PAFAH1B1: variants seen among roughly 807,000 people sequenced by gnomAD.
PAFAH1B1 encodes platelet-activating factor acetylhydrolase IB subunit beta.
PAFAH1B1 carries 2 observed loss-of-function variants against 57.5 expected under a neutral mutation model. That is an observed-to-expected ratio of 0.03 (90% CI 0.01 to 0.11). The LOEUF (loss-of-function observed/expected upper bound fraction) is 0.11. Ranked by LOEUF, PAFAH1B1 falls within the 10% of genes least tolerant of loss-of-function variation. The pLI, the probability that PAFAH1B1 is intolerant of heterozygous loss-of-function variation, is 1.00. For missense variants in PAFAH1B1, 257 were observed against 512.0 expected, an observed-to-expected ratio of 0.50 and a Z score of 4.81; for synonymous variants, 152 against 169.6, an observed-to-expected ratio of 0.90 and a Z score of 0.81.
chr17:2,633,551 AAG>A (rs1303602488), intron 1 of PAFAH1B1, among the ~76,000 whole-genome samples: 3 of 152,078 alleles, frequency 2.0e-5, no homozygotes, highest in East Asian at 1.9e-4. Flanking sequence ...TGGGGGAAGA[AAG>A]AGAAAAACTG....
At chr17:2,600,521 G>A (rs1259348295) in intron 1 of PAFAH1B1, among the ~76,000 whole-genome samples, 2 of 132,428 alleles carry the variant, frequency 1.5e-5, no homozygotes, top group Admixed American at 8.2e-5. Context: ...AGTGAGCCGA[G>A]ATCGTGCCAT....
chr17:2,639,099 C>T lies in PAFAH1B1; in HGVS notation c.32+779C>T, dbSNP rs964343506. ...ATTTTTAGTAGAGATGGGGTTTCAC[C>T]GTGTTAGCCAGGATGGTCTCAATCT... On this transcript the variant is annotated intron_variant, in intron 2 of 10. Coordinates refer to ENST00000397195, the MANE Select transcript of PAFAH1B1 (RefSeq NM_000430.4). Among the ~76,000 whole-genome samples, 14 of 151,580 alleles carry T rather than the reference C, an allele frequency of 9.2e-5. No individual in the cohort carries two copies. The East Asian group carries it at 1.2e-3, about 13-fold the overall frequency.
intron 1 of PAFAH1B1, among the ~76,000 whole-genome samples, chr17:2,628,383 G>T (rs1056551030): frequency 3.9e-5 from 6 of 152,060 alleles, no homozygotes; most frequent in African/African-American, 7.2e-5. Context: ...TTATTGACCT[G>T]CATATATTAA....
At chr17:2,663,643 T>G (rs769589821) in intron 2 of PAFAH1B1, among the ~76,000 whole-genome samples, 3 of 152,064 alleles carry the variant, frequency 2.0e-5, no homozygotes, top group Non-Finnish European at 4.4e-5. Context: ...TGGATCAGAT[T>G]GTTGGCTTAA....
chr17:2,665,867 G>T, intron 3 of PAFAH1B1, 149 bp from the exon 4 acceptor site: 1 of 805,194 alleles, frequency 1.2e-6, no homozygotes, highest in South Asian at 1.9e-5. Context: ...TTCCCAAAGT[G>T]CTGGGATTAC....
chr17:2,646,425 A>T (rs1200806344), intron 2 of PAFAH1B1, among the ~76,000 whole-genome samples: 1 of 95,700 alleles, frequency 1.0e-5, no homozygotes, highest in Non-Finnish European at 2.6e-5. Flanking sequence ...TGCTGGGCGC[A>T]GTGGATCACT....
chr17:2,641,898 A>C (rs1412564549), intron 2 of PAFAH1B1: 1 of 152,192 alleles, frequency 6.6e-6, no homozygotes, highest in Non-Finnish European at 1.5e-5. Flanking sequence ...CAGTCTTGGC[A>C]CGATTGACAT....
rs1292485531 is a variant in PAFAH1B1, at chr17:2,626,389, G to A, written c.-190-11710G>A. On this transcript the variant is annotated intron_variant, in intron 1 of 10. Transcript: ENST00000397195. Reference sequence around the variant, plus strand: ...AATCATATACTTGTGCTTTCTGATAGCAAAAATACATGTTAAAGGTTGGAA... The same window carrying A: ...AATCATATACTTGTGCTTTCTGATAACAAAAATACATGTTAAAGGTTGGAA... 3.3e-5 allele frequency among the ~76,000 whole-genome samples: 5 copies of A among 152,176 alleles called. No individual in the cohort carries two copies. In the East Asian group the frequency reaches 5.8e-4, roughly 18 times the overall value.
intron 2 of PAFAH1B1, among the ~76,000 whole-genome samples, chr17:2,657,317 C>T (rs899018135): frequency 2.6e-5 from 4 of 152,150 alleles, no homozygotes; most frequent in African/African-American, 9.7e-5. Context: ...CATCTTGGCT[C>T]ACTGCAATAC....
At chr17:2,675,049 T>C (rs1250220246) in intron 8 of PAFAH1B1, among the ~76,000 whole-genome samples, 1 of 152,208 alleles carries the variant, frequency 6.6e-6, no homozygotes, top group Admixed American at 6.5e-5. Flanking sequence ...TTGCCCAGGC[T>C]GGAGTACAGT....
chr17:2,651,979 C>T (rs6502442), intron 2 of PAFAH1B1, among the ~76,000 whole-genome samples: 90,403 of 152,088 alleles, frequency 0.59, 28,844 homozygotes, highest in East Asian at 0.88. Flanking sequence ...AAATCTCAGC[C>T]TCCCCCTATT....
At chr17:2,680,014 T>C in intron 9 of PAFAH1B1, 150 bp from the exon 10 acceptor site, 1 of 742,132 alleles carries the variant, frequency 1.3e-6, no homozygotes, top group East Asian at 2.5e-5. Flanking sequence ...CTTATGAGTT[T>C]TCAGTTTCCT....
intron 2 of PAFAH1B1, among the ~76,000 whole-genome samples, chr17:2,650,871 C>T (rs372407577): frequency 1.3e-5 from 2 of 152,082 alleles, no homozygotes; most frequent in African/African-American, 4.8e-5. Context: ...TTTTTCTTGT[C>T]GATTCCTAAG....
intron 1 of PAFAH1B1, among the ~76,000 whole-genome samples, chr17:2,617,487 A>G (rs1312258257): frequency 6.6e-6 from 1 of 152,180 alleles, no homozygotes; most frequent in Admixed American, 6.5e-5. Flanking sequence ...AGCACAGTCC[A>G]TCCCTCAGTG....
chr17:2,659,937 A>C (rs1256436201), intron 2 of PAFAH1B1, among the ~76,000 whole-genome samples: 1 of 152,204 alleles, frequency 6.6e-6, no homozygotes, highest in Non-Finnish European at 1.5e-5. Flanking sequence ...CTGGAAATAA[A>C]TTTTAATCAC....
At chr17:2,674,370 G>T in intron 8 of PAFAH1B1, 82 bp downstream of exon 8, 3 of 977,410 alleles carry the variant, frequency 3.1e-6, no homozygotes, top group Non-Finnish European at 4.9e-6. Context: ...CCTGTTTCAG[G>T]GCTGTTAATG....
At chr17:2,633,166 C>T (rs1243146435) in intron 1 of PAFAH1B1, among the ~76,000 whole-genome samples, 1 of 149,232 alleles carries the variant, frequency 6.7e-6, no homozygotes, top group African/African-American at 2.5e-5. Context: ...TTTTCTTTTT[C>T]TTTCTTTTCT....
At chr17:2,603,605 G>A (rs1185946051) in intron 1 of PAFAH1B1, among the ~76,000 whole-genome samples, 2 of 151,336 alleles carry the variant, frequency 1.3e-5, no homozygotes, top group African/African-American at 4.9e-5. Flanking sequence ...TGGGCAAAAA[G>A]AGCAAAACTT....
chr17:2,609,892 T>C (rs554412659), intron 1 of PAFAH1B1, among the ~76,000 whole-genome samples: 49 of 152,284 alleles, frequency 3.2e-4, no homozygotes, highest in African/African-American at 1.0e-3. Flanking sequence ...TGGCACGATC[T>C]CGGCTCACTG....
Sources: gnomAD v4.1 joint callset for allele counts (sites outside exome capture counted in the v4.1 genomes callset) on GRCh38, gnomAD v4.1.1 for gene constraint, MANE v1.5 for transcripts, NCBI Gene and HGNC (gene_info 2026-07-23, HGNC 2026-07-21) for gene names.